The following CALB1 variants were observed in gnomAD, a reference collection of about 807,000 sequenced individuals.
CALB1 encodes the protein calbindin.
CALB1 carries 16 observed loss-of-function variants against 46.7 expected under a neutral mutation model. That is an observed-to-expected ratio of 0.34 (90% CI 0.23 to 0.52). The LOEUF (loss-of-function observed/expected upper bound fraction) is 0.52, where lower values mean the gene tolerates loss of function less well. Ranked by LOEUF, CALB1 falls within the 20% of genes least tolerant of loss-of-function variation. The pLI is 0.95. For synonymous variants in CALB1, 90 were observed against 112.8 expected (o/e 0.80, Z 1.28); for missense variants, 224 against 300.3 (o/e 0.75, Z 1.88).
At chr8:90,075,066 T>G (rs1159372742) in intron 3 of CALB1, among the ~76,000 whole-genome samples, 1 of 152,210 alleles carries the variant, frequency 6.6e-6, no homozygotes, top group African/African-American at 2.4e-5. Context: ...GTCTTGAGTT[T>G]GTGTTAACAA....
intron 5 of CALB1, among the ~76,000 whole-genome samples, chr8:90,067,277 TA>T (rs941937464): frequency 1.3e-5 from 2 of 152,094 alleles, no homozygotes; most frequent in Non-Finnish European, 2.9e-5. Flanking sequence ...AAAGATCCAT[TA>T]AAAAAGAATG....
chr8:90,082,127 G>T (rs750325719), intron 1 of CALB1, 25 bp from the exon 2 acceptor site: 3 of 1,589,518 alleles, frequency 1.9e-6, no homozygotes, highest in East Asian at 2.2e-5. Context: ...AGGCACCCAG[G>T]TGTCAGATAT....
rs753581103 is a variant in CALB1, at chr8:90,060,707, G to T, written c.601-7C>A. 1.1e-4 allele frequency: 170 copies of T among 1,607,454 alleles called. No homozygotes were observed. Among genetic ancestry groups the T allele is most frequent in the Non-Finnish European group, 1.4e-4 (163 of 1,174,226 alleles). Reference sequence around the variant, plus strand: ...CTATGTATCCATTGCCGTCCTGGGGGAGGAGAAATAAAATAGTATACAACC... The same window carrying T: ...CTATGTATCCATTGCCGTCCTGGGGTAGGAGAAATAAAATAGTATACAACC... On this transcript the variant is annotated splice_polypyrimidine_tract_variant and splice_region_variant and intron_variant, in intron 9 of 10. Coordinates refer to ENST00000265431, the MANE Select transcript of CALB1 (RefSeq NM_004929.4).
chr8:90,060,829 T>A (rs1814284819), intron 9 of CALB1, 129 bp from the exon 10 acceptor site: 1 of 777,782 alleles, frequency 1.3e-6, no homozygotes, highest in Non-Finnish European at 2.2e-6. Context: ...ATCTGTTATG[T>A]CAGGCCACCC....
intron 6 of CALB1, 45 bp from the exon 7 acceptor site, chr8:90,063,506 T>C (rs1219518418): frequency 2.0e-6 from 3 of 1,499,100 alleles, no homozygotes; most frequent in Non-Finnish European, 2.8e-6. Flanking sequence ...AGGAATAATT[T>C]ATTGCATGAA....
intron 6 of CALB1, chr8:90,063,710 A>G (rs1814342481): frequency 2.4e-6 from 1 of 423,298 alleles, no homozygotes; most frequent in Non-Finnish European, 4.2e-6. Context: ...TTTCTAGAAT[A>G]CTGTCACTTT....
In CALB1 at chr8:90,065,967, T is replaced by C; in HGVS notation, c.381A>G (p.Leu127=). The C allele has an allele frequency of 6.2e-7, 1 of 1,606,690 alleles. No homozygotes were observed. The highest frequency in any genetic ancestry group is 8.5e-7 in the Non-Finnish European group (1 of 1,173,822). The change falls in exon 6 of 11, where the codon CTA becomes CTG. Residue 127 remains leucine, a synonymous_variant. Coordinates refer to ENST00000265431, the MANE Select transcript of CALB1 (RefSeq NM_004929.4). The part of the protein sequence containing the change: ...FIETEELKNF[L]KDLLEKANKT... ...TGTTTGCTTTTTCTAGCAGGTCCTT[T>C]AGAAAGTTCTGTTAAAACAAAGAAC...
At chr8:90,066,317 T>A (rs1025356091) in intron 5 of CALB1, among the ~76,000 whole-genome samples, 1 of 152,024 alleles carries the variant, frequency 6.6e-6, no homozygotes, top group African/African-American at 2.4e-5. Context: ...CTTACTGATA[T>A]CTTCACAAGT....
At chr8:90,061,490 C>A (rs1002476799) in intron 9 of CALB1, 3 of 152,030 alleles carry the variant, frequency 2.0e-5, no homozygotes, top group African/African-American at 7.2e-5. Context: ...CCCTAAAGAC[C>A]TCACAAAAAC....
chr8:90,078,973 G>T (rs1290842538), intron 2 of CALB1, among the ~76,000 whole-genome samples: 1 of 151,900 alleles, frequency 6.6e-6, no homozygotes, highest in African/African-American at 2.4e-5. Context: ...CATAAAAGAG[G>T]CATTCATCAA....
At chr8:90,072,884 AAG>A (rs1814558763) in intron 3 of CALB1, among the ~76,000 whole-genome samples, 1 of 152,132 alleles carries the variant, frequency 6.6e-6, no homozygotes, top group Non-Finnish European at 1.5e-5. Context: ...TGAGTTGGAA[AAG>A]AGAGTGAAGA....
Position 90,065,970 on chromosome 8 carries a change from A to C in CALB1, c.378T>G (p.Phe126Leu), listed in dbSNP as rs756544557. 1.2e-6 allele frequency: 2 copies of C among 1,604,944 alleles called. No homozygotes were observed. Among genetic ancestry groups the C allele is most frequent in the Non-Finnish European group, 1.7e-6 (2 of 1,172,352 alleles). Reference protein sequence around the residue: ...GFIETEELKNFLKDLLEKANK... With the variant: ...GFIETEELKNLLKDLLEKANK... ...TTGCTTTTTCTAGCAGGTCCTTTAG[A>C]AAGTTCTGTTAAAACAAAGAACACT... Residue 126 changes from phenylalanine (F) to leucine (L), a missense_variant, in exon 6 of 11, where the codon TTT becomes TTG. Physicochemically the swap from Phe to Leu is conservative, Grantham distance 22. Coordinates refer to ENST00000265431, the MANE Select transcript of CALB1 (RefSeq NM_004929.4).
intron 5 of CALB1, among the ~76,000 whole-genome samples, chr8:90,068,397 A>G (rs1814437808): frequency 1.3e-5 from 2 of 152,058 alleles, no homozygotes; most frequent in Admixed American, 6.6e-5. Context: ...AAGATTTTTT[A>G]TTTTTTATCA....
intron 2 of CALB1, 76 bp downstream of exon 2, chr8:90,081,950 C>T: frequency 7.3e-7 from 1 of 1,361,212 alleles, no homozygotes. Context: ...ACGCTACTGG[C>T]TTTTTGTGAA....
intron 3 of CALB1, among the ~76,000 whole-genome samples, chr8:90,073,386 T>C (rs943289496): frequency 6.6e-6 from 1 of 151,974 alleles, no homozygotes; most frequent in African/African-American, 2.4e-5. Context: ...CTATGACTGA[T>C]CAACATGGGG....
At chr8:90,082,496 G>T (rs919840458) in intron 1 of CALB1, 123 bp downstream of exon 1, 42 of 802,872 alleles carry the variant, frequency 5.2e-5, no homozygotes, top group Non-Finnish European at 8.6e-5. Flanking sequence ...AGATTAGGCA[G>T]AAGGGGGAAG....
At position 90,060,775 on chromosome 8, in the gene CALB1, ATTGG is replaced by A. The variant is rs1814283712; in HGVS notation, c.601-79_601-76del. 6 of 1,199,560 alleles carry A rather than the reference ATTGG, an allele frequency of 5.0e-6. No homozygotes were observed. The South Asian group carries it at 7.4e-5, about 15-fold the overall frequency. 74.3% of individuals were successfully genotyped at this position (1,199,560 alleles called of 1,614,324 possible). ...TGGGAAATGAAGTAAAATGGAAATA[ATTGG>A]AATCCTTAGAAAGTCTCCCAACTGC... On this transcript the variant is annotated intron_variant, in intron 9 of 10. Coordinates refer to ENST00000265431, the MANE Select transcript of CALB1 (RefSeq NM_004929.4).
At chr8:90,066,122 T>C (rs909002883) in intron 5 of CALB1, 147 bp from the exon 6 acceptor site, 4 of 609,080 alleles carry the variant, frequency 6.6e-6, no homozygotes, top group African/African-American at 3.7e-5. Flanking sequence ...GAACTTATAA[T>C]AGAAGAAAGA....
intron 2 of CALB1, among the ~76,000 whole-genome samples, chr8:90,081,685 T>A (rs1010266259): frequency 2.6e-5 from 4 of 152,094 alleles, no homozygotes; most frequent in African/African-American, 7.2e-5. Context: ...AGTACTAGTA[T>A]AGAATATATA....
Sources: allele counts gnomAD v4.1 joint callset (sites outside exome capture counted in the v4.1 genomes callset), GRCh38; gene constraint gnomAD v4.1.1; transcripts MANE v1.5; gene names NCBI Gene and HGNC (gene_info 2026-07-23, HGNC 2026-07-21).